CCDC144A: variants seen among roughly 807,000 people sequenced by gnomAD.
The protein encoded by CCDC144A is coiled-coil domain-containing protein 144A.
In CCDC144A, 41 loss-of-function variants were observed where a neutral mutation model predicts 143.8. The observed-to-expected ratio is 0.29, with a 90% CI of 0.22 to 0.37. CCDC144A has a LOEUF of 0.37. CCDC144A is among the 10% of genes least tolerant of loss of function. CCDC144A has a pLI of 1.00. For missense variants in CCDC144A, 637 were observed against 1,488.8 expected (o/e 0.43, Z 9.41); for synonymous variants, 242 against 517.9 (o/e 0.47, Z 7.23).
Position 16,749,831 on chromosome 17 carries a change from T to G in CCDC144A, c.3373-11594T>G, listed in dbSNP as rs144847133. ...TCTTCTTGGCGAAGTGAATCCTTTA[T>G]CATTGTGTAATGCCCTTCTTCATCC... On this transcript the variant is annotated intron_variant, in intron 12 of 16. Coordinates refer to ENST00000399273, the MANE Select transcript of CCDC144A (RefSeq NM_001382000.1). Among the ~76,000 whole-genome samples the G allele has an allele frequency of 2.1e-3, 316 of 152,352 alleles. 2 individuals are homozygous for G. Among genetic ancestry groups the G allele is most frequent in the African/African-American group, 7.4e-3 (306 of 41,588 alleles).
At chr17:16,741,788 A>G (rs531843059) in intron 12 of CCDC144A, among the ~76,000 whole-genome samples, 15 of 152,252 alleles carry the variant, frequency 9.9e-5, no homozygotes, top group South Asian at 8.3e-4. Context: ...GAACATATTT[A>G]TGGTATACAC....
chr17:16,672,595 A>G, the CCDC144A span, among the ~76,000 whole-genome samples: 1 of 152,190 alleles, frequency 6.6e-6, no homozygotes, highest in Non-Finnish European at 1.5e-5. Flanking sequence ...ATAACCTGGC[A>G]AAACACAGTA....
chr17:16,697,225 G>A (rs1191376265), intron 2 of CCDC144A, among the ~76,000 whole-genome samples: 1 of 151,956 alleles, frequency 6.6e-6, no homozygotes, highest in South Asian at 2.1e-4. Flanking sequence ...TGAGTATTAG[G>A]GCAATCTGGT....
chr17:16,678,836 C>A, the CCDC144A span, among the ~76,000 whole-genome samples: 120 of 146,968 alleles, frequency 8.2e-4, no homozygotes, highest in Non-Finnish European at 8.8e-4. Context: ...CTCATGTCAA[C>A]CTCTGCCTTC....
intron 2 of CCDC144A, among the ~76,000 whole-genome samples, chr17:16,693,751 A>G (rs1911236892): frequency 6.6e-6 from 1 of 151,246 alleles, no homozygotes; most frequent in African/African-American, 2.4e-5. Context: ...ATGAATATCA[A>G]TCACAATTGA....
chr17:16,687,607 C>T (rs1157024165), upstream of CCDC144A, among the ~76,000 whole-genome samples: 2 of 152,132 alleles, frequency 1.3e-5, no homozygotes, highest in African/African-American at 4.8e-5. Flanking sequence ...CGGAGACTCC[C>T]TTAGTCTCCC....
intron 1 of CCDC144A, chr17:16,692,039 T>C (rs938628551): frequency 6.6e-6 from 1 of 151,958 alleles, no homozygotes; most frequent in Non-Finnish European, 1.5e-5. Context: ...AGGTGATCAA[T>C]GGAGCTGAGT....
chr17:16,755,667 C>A (rs567065103), intron 12 of CCDC144A, among the ~76,000 whole-genome samples: 25 of 152,370 alleles, frequency 1.6e-4, no homozygotes, highest in African/African-American at 5.5e-4. Flanking sequence ...TCAAGCAATT[C>A]TTGTGCCTCA....
the CCDC144A span, among the ~76,000 whole-genome samples, chr17:16,668,214 C>T: frequency 1.3e-5 from 2 of 150,942 alleles, no homozygotes; most frequent in African/African-American, 2.4e-5. Flanking sequence ...GATTTCTCCA[C>T]GTTCATTAAT....
chr17:16,716,801 G>A (rs1912778733), intron 6 of CCDC144A, among the ~76,000 whole-genome samples: 1 of 151,190 alleles, frequency 6.6e-6, no homozygotes, highest in Admixed American at 6.6e-5. Flanking sequence ...TGTGTGCAGT[G>A]GATTCCAGCT....
intron 8 of CCDC144A, among the ~76,000 whole-genome samples, chr17:16,725,255 G>T (rs1913349683): frequency 6.6e-6 from 1 of 151,562 alleles, no homozygotes; most frequent in African/African-American, 2.4e-5. Context: ...TTTATAATGT[G>T]CTTATTAATA....
intron 2 of CCDC144A, among the ~76,000 whole-genome samples, chr17:16,695,016 T>C (rs1281816616): frequency 6.6e-6 from 1 of 152,222 alleles, no homozygotes; most frequent in Non-Finnish European, 1.5e-5. Flanking sequence ...CATTGGACAA[T>C]CTGAACTGTA....
rs569536673 is a variant in CCDC144A at position 16,731,040 on chromosome 17, TTGA to T, written c.2106-755_2106-753del. Among the ~76,000 whole-genome samples, 237 of 151,680 alleles carry T rather than the reference TTGA, an allele frequency of 1.6e-3. 2 individuals carry two copies. Among genetic ancestry groups the T allele is most frequent in the African/African-American group, 5.4e-3 (222 of 41,270 alleles). ...ACGAAATAAGTAAAATGGACAGTAA[TTGA>T]TGATTATTTTATTCCATATCTCTCA... On this transcript the variant is annotated intron_variant, in intron 9 of 16. Transcript: ENST00000399273.
At chr17:16,763,582 T>C (rs1236539298) in intron 14 of CCDC144A, among the ~76,000 whole-genome samples, 5 of 151,884 alleles carry the variant, frequency 3.3e-5, no homozygotes, top group Non-Finnish European at 7.4e-5. Context: ...CAAATTAATA[T>C]CTTCATCATT....
At chr17:16,683,854 T>C in the CCDC144A span, 4 of 1,395,836 alleles carry the variant, frequency 2.9e-6, no homozygotes, top group Admixed American at 5.0e-5. Context: ...GAGACACGTT[T>C]TCCTACATGG....
chr17:16,709,513 A>C lies in CCDC144A; in HGVS notation c.1456A>C (p.Thr486Pro), dbSNP rs1378108605. Reference sequence around the variant, plus strand: ...TTCTTTACCACCAGATTCTGACAGAACATCAGAAGTATATCTACATGAAGA... The same window carrying C: ...TTCTTTACCACCAGATTCTGACAGACCATCAGAAGTATATCTACATGAAGA... ...LSSLPPDSDR[T>P]SEVYLHEELQ... Residue 486 changes from threonine to proline, a missense_variant, in exon 5 of 17, where the codon ACA becomes CCA. Thr to Pro is a conservative substitution (Grantham distance 38). Coordinates refer to ENST00000399273, the MANE Select transcript of CCDC144A (RefSeq NM_001382000.1). The C allele has an allele frequency of 6.2e-7, 1 of 1,611,518 alleles. No homozygotes were observed.
Position 16,716,328 on chromosome 17 carries a change from T to TA in CCDC144A, c.1716-3870_1716-3869insA, listed in dbSNP as rs566605611. Among the ~76,000 whole-genome samples, 581 of 152,336 alleles carry TA rather than the reference T, an allele frequency of 3.8e-3. 6 individuals are homozygous for TA. Among genetic ancestry groups the TA allele is most frequent in the African/African-American group, 0.013 (554 of 41,584 alleles). ...TAATCTCCAGTGGGAAATGTTTGTC[T>TA]CTTTGTTAATGTATGTAGTTATATG... is the stretch of plus-strand genomic sequence containing the variant. On this transcript the variant is annotated intron_variant, in intron 6 of 16. Coordinates refer to ENST00000399273, the MANE Select transcript of CCDC144A (RefSeq NM_001382000.1).
intron 12 of CCDC144A, among the ~76,000 whole-genome samples, chr17:16,756,322 T>C (rs1369328170): frequency 6.6e-6 from 1 of 152,210 alleles, no homozygotes; most frequent in Non-Finnish European, 1.5e-5. Flanking sequence ...ATTTTTGCTT[T>C]TTGTTTGCCT....
At position 16,690,550 on chromosome 17, in the gene CCDC144A, C is replaced by T; in HGVS notation, c.150C>T (p.Pro50=). Residue 50 remains proline, a synonymous_variant, in exon 1 of 17, where the codon CCC becomes CCT. Transcript: ENST00000399273. The stretch of plus-strand genomic sequence containing the variant: ...GGGACCAGTGGTCCTCGGGCTTCCC[C>T]TACAGCTGGTGGAAAAACAGCGTCG... ...YPGDQWSSGF[P]YSWWKNSVGS... 1 of 1,613,812 alleles carries T rather than the reference C, an allele frequency of 6.2e-7. No individual in the cohort carries two copies. The highest frequency in any genetic ancestry group is 8.5e-7 in the Non-Finnish European group (1 of 1,179,842).
Sources: gnomAD v4.1 joint callset for allele counts (sites outside exome capture counted in the v4.1 genomes callset) on GRCh38, gnomAD v4.1.1 for gene constraint, MANE v1.5 for transcripts, NCBI Gene and HGNC (gene_info 2026-07-23, HGNC 2026-07-21) for gene names.